Variants in MRTFA observed in about 807,000 individuals in gnomAD.
MRTFA encodes myocardin-related transcription factor A.
Under a neutral mutation model 83.5 loss-of-function variants are expected in MRTFA, and 20 were observed. That is an observed-to-expected ratio of 0.24 (90% CI 0.17 to 0.35). MRTFA has a LOEUF of 0.35. Among genes scored for constraint, MRTFA ranks in the 10% least tolerant of loss-of-function variants. MRTFA has a pLI of 1.00. For synonymous variants in MRTFA, 659 were observed against 541.2 expected (o/e 1.22, Z -3.02); for missense variants, 1,200 against 1,224.7 (o/e 0.98, Z 0.30).
rs146122702 is a variant in MRTFA at position 40,514,772 on chromosome 22, G to A, written c.241+37334C>T. 8.5e-3 allele frequency among the ~76,000 whole-genome samples: 1,292 copies of A among 151,860 alleles called. 4 individuals are homozygous for A. The highest frequency in any genetic ancestry group is 0.014 in the Non-Finnish European group (974 of 67,940). ...TGAGATTACAGATGTGAGCCACCAC[G>A]CCCAGCCCTTCCTACCTCTTACAAA... is the stretch of plus-strand genomic sequence containing the variant. On this transcript the variant is annotated intron_variant, in intron 3 of 14. Coordinates refer to ENST00000355630, the MANE Select transcript of MRTFA (RefSeq NM_020831.6).
At chr22:40,458,753 A>T (rs1052840315) in intron 4 of MRTFA, among the ~76,000 whole-genome samples, 27 of 152,290 alleles carry the variant, frequency 1.8e-4, no homozygotes, top group African/African-American at 5.8e-4. Flanking sequence ...AAGTTGTACA[A>T]CAAACTTAAA....
At chr22:40,605,356 T>C (rs916525612) in intron 1 of MRTFA, among the ~76,000 whole-genome samples, 1 of 152,144 alleles carries the variant, frequency 6.6e-6, no homozygotes, top group Non-Finnish European at 1.5e-5. Flanking sequence ...GGGCAGAAAG[T>C]GCCAACTTTT....
chr22:40,561,385 G>A (rs149864365), intron 2 of MRTFA, among the ~76,000 whole-genome samples: 2,810 of 152,036 alleles, frequency 0.018, 89 homozygotes, highest in African/African-American at 0.065. Flanking sequence ...CAGCTACTCG[G>A]GAGGCTGAGG....
At chr22:40,591,381 T>C (rs1338788251) in intron 2 of MRTFA, among the ~76,000 whole-genome samples, 1 of 151,466 alleles carries the variant, frequency 6.6e-6, no homozygotes, top group Non-Finnish European at 1.5e-5. Context: ...GTTGAGAAAA[T>C]GTAATAAAAA....
At chr22:40,412,620 C>G (rs1334339993) in intron 14 of MRTFA, 1 of 152,154 alleles carries the variant, frequency 6.6e-6, no homozygotes, top group Non-Finnish European at 1.5e-5. Context: ...AGTGCAACAG[C>G]CTGTCACAAA....
intron 1 of MRTFA, among the ~76,000 whole-genome samples, chr22:40,595,573 T>C (rs2056180253): frequency 6.6e-6 from 1 of 152,168 alleles, no homozygotes; most frequent in Non-Finnish European, 1.5e-5. Flanking sequence ...AGAGGATTCA[T>C]TCTCTTCCCT....
intron 12 of MRTFA, among the ~76,000 whole-genome samples, chr22:40,418,094 G>A (rs1448439921): frequency 1.3e-5 from 2 of 152,088 alleles, no homozygotes; most frequent in Admixed American, 6.5e-5. Context: ...CCCAGCCTGG[G>A]TACGGGCTGC....
At chr22:40,519,580 G>A (rs1367950730) in intron 3 of MRTFA, 53 of 1,342,766 alleles carry the variant, frequency 3.9e-5, no homozygotes, top group Non-Finnish European at 4.8e-5. Flanking sequence ...AGGCAATCAC[G>A]CTGATTTGTT....
At chr22:40,563,746 G>C (rs970545978) in intron 2 of MRTFA, among the ~76,000 whole-genome samples, 2 of 152,148 alleles carry the variant, frequency 1.3e-5, no homozygotes, top group African/African-American at 4.8e-5. Context: ...ATAAAACAAA[G>C]TTCTTGCCCT....
chr22:40,509,005 C>G (rs1006818469), intron 3 of MRTFA, among the ~76,000 whole-genome samples: 1 of 152,176 alleles, frequency 6.6e-6, no homozygotes, highest in Non-Finnish European at 1.5e-5. Flanking sequence ...TAGACAGTAT[C>G]TTTTAGAGTG....
intron 1 of MRTFA, among the ~76,000 whole-genome samples, 151 bp from the exon 2 acceptor site, chr22:40,594,886 T>TAA (rs2056168855): frequency 1.6e-5 from 2 of 126,818 alleles, no homozygotes; most frequent in East Asian, 2.8e-4. Flanking sequence ...CTGTCACTGG[T>TAA]TAAAAAAAAA....
Position 40,411,415 on chromosome 22 carries a change from T to C in MRTFA, c.3071A>G (p.Gln1024Arg). The C allele has an allele frequency of 2.5e-6, 4 of 1,569,452 alleles. No individual in the cohort carries two copies. Among genetic ancestry groups the C allele is most frequent in the Non-Finnish European group, 3.5e-6 (4 of 1,149,672 alleles). The change falls in exon 15 of 15, where the codon CAG (glutamine) becomes CGG (arginine). Residue 1024 changes from glutamine to arginine, a missense_variant. Gln to Arg is a conservative substitution (Grantham distance 43). This residue lies in a region of MRTFA where 1,107 missense variants were observed against 1,041.8 expected (regional missense o/e 1.06). Coordinates refer to ENST00000355630, the MANE Select transcript of MRTFA (RefSeq NM_020831.6). ...CTACAAGCAGGAATCCCAGTGCAGC[T>C]GCAAATCATGGCCATCGAGGAAGTC...
At chr22:40,533,320 A>G (rs2055114165) in intron 3 of MRTFA, among the ~76,000 whole-genome samples, 2 of 152,250 alleles carry the variant, frequency 1.3e-5, no homozygotes, top group African/African-American at 4.8e-5. Flanking sequence ...ACACTTGATT[A>G]AAGAAGACAA....
At chr22:40,479,423 C>A (rs912872463) in intron 3 of MRTFA, among the ~76,000 whole-genome samples, 1 of 152,080 alleles carries the variant, frequency 6.6e-6, no homozygotes, top group African/African-American at 2.4e-5. Flanking sequence ...TGCTGCTGGC[C>A]GGCCTTTCCT....
intron 2 of MRTFA, among the ~76,000 whole-genome samples, chr22:40,573,561 T>A (rs963226299): frequency 3.9e-5 from 6 of 152,162 alleles, no homozygotes; most frequent in Non-Finnish European, 1.5e-5. Flanking sequence ...GGCTGAATTA[T>A]GTACTTCTGA....
chr22:40,540,776 CAAAA>C (rs11398739), intron 3 of MRTFA, among the ~76,000 whole-genome samples: 35 of 91,116 alleles, frequency 3.8e-4, no homozygotes, highest in African/African-American at 1.2e-3. Context: ...GACTCTGTCT[CAAAA>C]AAAAAAAAAA....
chr22:40,467,967 T>G (rs1240278776), intron 3 of MRTFA, among the ~76,000 whole-genome samples: 1 of 151,966 alleles, frequency 6.6e-6, no homozygotes, highest in Non-Finnish European at 1.5e-5. Flanking sequence ...CAGAAAAGAA[T>G]GGAATAAAAA....
chr22:40,453,370 CG>C (rs565179853), intron 4 of MRTFA, among the ~76,000 whole-genome samples: 149 of 152,300 alleles, frequency 9.8e-4, no homozygotes, highest in African/African-American at 3.3e-3. Flanking sequence ...TGAGCTCTGA[CG>C]GAAGCGGGAG....
intron 3 of MRTFA, among the ~76,000 whole-genome samples, chr22:40,512,240 T>C (rs866965912): frequency 2.0e-5 from 3 of 152,202 alleles, no homozygotes; most frequent in African/African-American, 7.2e-5. Context: ...CTCAAAAAAG[T>C]TGTTTTACAG....
Sources: allele counts gnomAD v4.1 joint callset (sites outside exome capture counted in the v4.1 genomes callset), GRCh38; gene constraint gnomAD v4.1.1; regional missense constraint gnomAD v4.1.1; transcripts MANE v1.5; gene names NCBI Gene and HGNC (gene_info 2026-07-23, HGNC 2026-07-21).